NKAIN1: variants seen among roughly 807,000 people sequenced by gnomAD.
The protein encoded by NKAIN1 is sodium/potassium-transporting ATPase subunit beta-1-interacting protein 1.
NKAIN1 carries 13 observed loss-of-function variants against 31.6 expected under a neutral mutation model. The observed-to-expected ratio is 0.41, with a 90% CI of 0.27 to 0.65. The LOEUF (loss-of-function observed/expected upper bound fraction) is 0.65. Among genes scored for constraint, NKAIN1 ranks in the 30% least tolerant of loss-of-function variants. The pLI is 0.30. For missense variants in NKAIN1, 193 were observed against 262.2 expected (o/e 0.74, Z 1.82); for synonymous variants, 104 against 109.0 (o/e 0.95, Z 0.28).
intron 1 of NKAIN1, among the ~76,000 whole-genome samples, chr1:31,212,403 T>TTTCTTTC (rs548903429): frequency 0.12 from 7,757 of 66,938 alleles, 388 homozygotes; most frequent in African/African-American, 0.2. Flanking sequence ...TAATAGTTTC[T>TTTCTTTC]TTTTTTTTTT....
chr1:31,222,779 G>C (rs1265223585), intron 1 of NKAIN1, among the ~76,000 whole-genome samples: 1 of 152,208 alleles, frequency 6.6e-6, no homozygotes, highest in African/African-American at 2.4e-5. Flanking sequence ...GGAGTTTGGA[G>C]TCCAAAAGGC....
chr1:31,236,615 C>A (rs528777747), intron 1 of NKAIN1, among the ~76,000 whole-genome samples: 23 of 152,206 alleles, frequency 1.5e-4, no homozygotes, highest in African/African-American at 5.3e-4. Context: ...TGCAACAGAG[C>A]CAAGAGAGCA....
intron 1 of NKAIN1, among the ~76,000 whole-genome samples, chr1:31,219,153 C>A (rs1557660307): frequency 6.6e-6 from 1 of 152,280 alleles, no homozygotes. Flanking sequence ...TTCTAATAGA[C>A]TTAATGGTCT....
chr1:31,215,616 T>A (rs1476127556), intron 1 of NKAIN1, among the ~76,000 whole-genome samples: 3 of 152,128 alleles, frequency 2.0e-5, no homozygotes, highest in African/African-American at 7.2e-5. Flanking sequence ...AAGGAATAAA[T>A]GACACCTCCT....
At chr1:31,231,796 C>G (rs1323966108) in intron 1 of NKAIN1, among the ~76,000 whole-genome samples, 2 of 152,168 alleles carry the variant, frequency 1.3e-5, no homozygotes, top group Non-Finnish European at 2.9e-5. Flanking sequence ...TCCCAAAGTG[C>G]CGGGATTACA....
chr1:31,235,324 TTAA>T (rs1417995354), intron 1 of NKAIN1, among the ~76,000 whole-genome samples: 1 of 151,996 alleles, frequency 6.6e-6, no homozygotes, highest in African/African-American at 2.4e-5. Flanking sequence ...GGTGAATATG[TTAA>T]TAATGTTGTC....
chr1:31,217,785 A>G (rs753094972), intron 1 of NKAIN1, among the ~76,000 whole-genome samples: 28 of 152,202 alleles, frequency 1.8e-4, no homozygotes, highest in Admixed American at 6.5e-5. Context: ...GAAAGGAGAC[A>G]GGAGTTGGAC....
chr1:31,200,718 C>G (rs1645373559), intron 1 of NKAIN1, among the ~76,000 whole-genome samples: 1 of 152,130 alleles, frequency 6.6e-6, no homozygotes, highest in Non-Finnish European at 1.5e-5. Context: ...CTGCCTTGGC[C>G]TCTCAAGGTG....
intron 1 of NKAIN1, among the ~76,000 whole-genome samples, chr1:31,201,813 C>A (rs972489552): frequency 6.6e-6 from 1 of 152,314 alleles, no homozygotes; most frequent in African/African-American, 2.4e-5. Flanking sequence ...GAGATTTGGC[C>A]GCCCAGCCTG....
At chr1:31,185,172 T>C in intron 3 of NKAIN1, 75 bp downstream of exon 3, 1 of 1,222,776 alleles carries the variant, frequency 8.2e-7, no homozygotes, top group Non-Finnish European at 1.2e-6. Flanking sequence ...TCTGGTCCTA[T>C]ACCACAGTAC....
rs569462203 is a variant in NKAIN1, at chr1:31,224,336, T to A, written c.54+15158A>T. Among the ~76,000 whole-genome samples the A allele has an allele frequency of 1.4e-4, 21 of 152,294 alleles. No individual in the cohort carries two copies. In the South Asian group the frequency reaches 4.1e-3, roughly 30 times the overall value. ...GGAAGCGGGAAGGGATGTTTATTGA[T>A]CCACAAATCTCTACGTGCCAGTGTC... On this transcript the variant is annotated intron_variant, in intron 1 of 6. Transcript: ENST00000373736.
chr1:31,238,248 G>T (rs1431455334), intron 1 of NKAIN1, among the ~76,000 whole-genome samples: 1 of 152,188 alleles, frequency 6.6e-6, no homozygotes, highest in Non-Finnish European at 1.5e-5. Flanking sequence ...AGACGAATGA[G>T]GAGGTCTGCA....
intron 5 of NKAIN1, among the ~76,000 whole-genome samples, chr1:31,182,280 G>A (rs550002649): frequency 1.3e-5 from 2 of 152,234 alleles, no homozygotes; most frequent in African/African-American, 2.4e-5. Context: ...AACGGGACAA[G>A]ACCTCTGATG....
At chr1:31,237,054 A>G (rs1645697253) in intron 1 of NKAIN1, among the ~76,000 whole-genome samples, 1 of 152,100 alleles carries the variant, frequency 6.6e-6, no homozygotes, top group Non-Finnish European at 1.5e-5. Context: ...GGAGTTTGAG[A>G]CCAGCCTGGG....
chr1:31,220,754 CAAAAA>C (rs772908877), intron 1 of NKAIN1, among the ~76,000 whole-genome samples: 1 of 58,912 alleles, frequency 1.7e-5, no homozygotes, highest in African/African-American at 6.2e-5. Flanking sequence ...ACTCCATCTC[CAAAAA>C]AAAAAAAAAA....
At chr1:31,213,369 C>A (rs184509816) in intron 1 of NKAIN1, among the ~76,000 whole-genome samples, 18 of 152,224 alleles carry the variant, frequency 1.2e-4, no homozygotes, top group Admixed American at 8.5e-4. Context: ...AAATGCAAAT[C>A]AAAAGTGTGA....
chr1:31,238,314 C>T (rs1315036616), intron 1 of NKAIN1, among the ~76,000 whole-genome samples: 5 of 152,152 alleles, frequency 3.3e-5, no homozygotes, highest in South Asian at 4.1e-4. Context: ...GTGGGGAGGG[C>T]GTGATGGATG....
chr1:31,184,916 C>T (rs896944893), intron 3 of NKAIN1, among the ~76,000 whole-genome samples: 1 of 152,148 alleles, frequency 6.6e-6, no homozygotes, highest in Non-Finnish European at 1.5e-5. Context: ...ACCTCCCTTG[C>T]TCTGAATACT....
intron 2 of NKAIN1, among the ~76,000 whole-genome samples, chr1:31,186,387 C>T (rs1026784845): frequency 2.5e-4 from 30 of 119,390 alleles, no homozygotes; most frequent in Middle Eastern, 4.9e-3. Context: ...AGTCTTAATT[C>T]TTTTGTGTTT....
Sources: allele counts gnomAD v4.1 joint callset (sites outside exome capture counted in the v4.1 genomes callset), GRCh38; gene constraint gnomAD v4.1.1; transcripts MANE v1.5; gene names NCBI Gene and HGNC (gene_info 2026-07-23, HGNC 2026-07-21).